BCAS3: variants seen among roughly 807,000 people sequenced by gnomAD.
BCAS3 encodes the protein BCAS3 microtubule associated cell migration factor.
A neutral mutation model predicts 116.1 loss-of-function variants in BCAS3; 53 were observed. That is an observed-to-expected ratio of 0.46 (90% CI 0.37 to 0.57). The LOEUF (loss-of-function observed/expected upper bound fraction) is 0.57, where lower values mean the gene tolerates loss of function less well. BCAS3 is among the 20% of genes least tolerant of loss of function. BCAS3 has a pLI of 0.00. For missense variants in BCAS3, 917 were observed against 1,165.4 expected (o/e 0.79, Z 3.10); for synonymous variants, 391 against 408.2 (o/e 0.96, Z 0.51).
chr17:60,850,602 G>A (rs2053044745), intron 7 of BCAS3, among the ~76,000 whole-genome samples: 1 of 151,854 alleles, frequency 6.6e-6, no homozygotes, highest in South Asian at 2.1e-4. Flanking sequence ...CAGGTAATCT[G>A]CCTGCCTCGG....
chr17:61,166,960 T>TA (rs2078543182), intron 22 of BCAS3, among the ~76,000 whole-genome samples: 1 of 152,152 alleles, frequency 6.6e-6, no homozygotes, highest in African/African-American at 2.4e-5. Context: ...AGACCCAGGC[T>TA]GGTCTCCAAC....
rs114053111 is a variant in BCAS3 at position 60,937,853 on chromosome 17, T to C, written c.1088-9366T>C. 2.0e-3 allele frequency among the ~76,000 whole-genome samples: 308 copies of C among 152,356 alleles called. 2 individuals carry two copies. Among genetic ancestry groups the C allele is most frequent in the African/African-American group, 7.0e-3 (290 of 41,578 alleles). ...GTCTATGACATGAATTTAGCATTAGTTGACTGTATCTGTATCTGTAATTTT... is the reference window on the plus strand; with the variant it reads ...GTCTATGACATGAATTTAGCATTAGCTGACTGTATCTGTATCTGTAATTTT... On this transcript the variant is annotated intron_variant, in intron 13 of 23. Coordinates refer to ENST00000407086, the MANE Select transcript of BCAS3 (RefSeq NM_017679.5).
At chr17:60,885,755 G>T (rs1423993290) in intron 9 of BCAS3, among the ~76,000 whole-genome samples, 2 of 146,816 alleles carry the variant, frequency 1.4e-5, no homozygotes, top group Admixed American at 1.3e-4. Context: ...TTTTCTTTAA[G>T]AATGTTGAAT....
At chr17:61,284,722 G>A (rs4968550) in intron 22 of BCAS3, among the ~76,000 whole-genome samples, 1 of 150,298 alleles carries the variant, frequency 6.7e-6, no homozygotes, top group Non-Finnish European at 1.5e-5. Context: ...TTCAGCCTAT[G>A]TGGGCATTTA....
intron 22 of BCAS3, among the ~76,000 whole-genome samples, chr17:61,209,566 T>A (rs2081337818): frequency 6.6e-6 from 1 of 152,202 alleles, no homozygotes; most frequent in Non-Finnish European, 1.5e-5. Context: ...GTAAAATGTA[T>A]TTTTAAAATG....
rs552703238 is a variant in BCAS3, at chr17:61,057,682, T to C, written c.2029+16790T>C. On this transcript the variant is annotated intron_variant, in intron 19 of 23. Transcript: ENST00000407086. ...AGGTCTTTGTCTTGTTACTTTTTTT[T>C]TTTTCACATTTTATGTAGCAACAGG... Among the ~76,000 whole-genome samples the C allele has an allele frequency of 5.9e-5, 9 of 152,038 alleles. No homozygotes were observed. The East Asian group carries it at 1.7e-3, about 29-fold the overall frequency.
chr17:60,983,372 G>A (rs1002970356), intron 14 of BCAS3, among the ~76,000 whole-genome samples: 1 of 151,934 alleles, frequency 6.6e-6, no homozygotes, highest in Non-Finnish European at 1.5e-5. Flanking sequence ...AAACCGTCCA[G>A]CTAGTTAACT....
chr17:60,952,466 C>T (rs1442994843), intron 14 of BCAS3, among the ~76,000 whole-genome samples: 1 of 151,836 alleles, frequency 6.6e-6, no homozygotes, highest in African/African-American at 2.4e-5. Flanking sequence ...GTTACAGGCG[C>T]CCAACAGCAT....
At position 61,235,068 on chromosome 17, in the gene BCAS3, G is replaced by C. The variant is rs899077860; in HGVS notation, c.2426-133259G>C. On this transcript the variant is annotated intron_variant, in intron 22 of 23. Transcript: ENST00000407086. This position sits in a 1 kb window ranked among gnomAD's most constrained non-coding sequence, Gnocchi z 5.0. ...ACTCCTGGCTAAGTTTTGTATTTTA[G>C]TAGAGACAGGGTTTCACCACATTGG... Among the ~76,000 whole-genome samples the C allele has an allele frequency of 1.3e-5, 2 of 152,054 alleles. No homozygotes were observed. The highest frequency in any genetic ancestry group is 4.8e-5 in the African/African-American group (2 of 41,406).
rs540495519 is a variant in BCAS3, at chr17:61,348,173, G to A, written c.2426-20154G>A. The stretch of plus-strand genomic sequence containing the variant: ...AGACAAATTCAAGAGGGCTTGGGAA[G>A]TAAAATCCACAGGACTTACTGGTCA... On this transcript the variant is annotated intron_variant, in intron 22 of 23. Coordinates refer to ENST00000407086, the MANE Select transcript of BCAS3 (RefSeq NM_017679.5). The surrounding 1 kb of genome is among the most constrained non-coding windows in gnomAD (Gnocchi z 4.5). Among the ~76,000 whole-genome samples the A allele has an allele frequency of 6.6e-6, 1 of 152,316 alleles. No individual in the cohort carries two copies. Among genetic ancestry groups the A allele is most frequent in the South Asian group, 2.1e-4 (1 of 4,830 alleles).
intron 19 of BCAS3, among the ~76,000 whole-genome samples, chr17:61,055,531 A>G (rs959577904): frequency 2.6e-5 from 4 of 152,172 alleles, no homozygotes; most frequent in African/African-American, 9.7e-5. Context: ...TCCATTTATA[A>G]TAAGTGACCT....
chr17:60,942,027 G>C (rs1159537215), intron 13 of BCAS3, among the ~76,000 whole-genome samples: 1 of 151,938 alleles, frequency 6.6e-6, no homozygotes, highest in African/African-American at 2.4e-5. Context: ...GAAGATAGTA[G>C]TGGATTTATG....
intron 22 of BCAS3, among the ~76,000 whole-genome samples, chr17:61,270,143 G>A (rs143513688): frequency 0.059 from 6,929 of 117,116 alleles, 230 homozygotes; most frequent in Middle Eastern, 0.15. Context: ...TTTTTGAGAC[G>A]GAGTCTGGCT....
At chr17:60,753,792 T>C (rs1272801160) in intron 6 of BCAS3, among the ~76,000 whole-genome samples, 3 of 152,086 alleles carry the variant, frequency 2.0e-5, no homozygotes, top group Non-Finnish European at 4.4e-5. Flanking sequence ...TTTCATAGAT[T>C]TTGGACAAAA....
rs2057581420 is a variant in BCAS3, at chr17:61,347,661, C to A, written c.2426-20666C>A. On this transcript the variant is annotated intron_variant, in intron 22 of 23. Coordinates refer to ENST00000407086, the MANE Select transcript of BCAS3 (RefSeq NM_017679.5). The surrounding 1 kb of genome is among the most constrained non-coding windows in gnomAD (Gnocchi z 4.3). ...ATCATCCAGCATAGCGACTGGTGCACAATAGACATCTGTTTTGTCTGTTGT... is the reference window on the plus strand; with the variant it reads ...ATCATCCAGCATAGCGACTGGTGCAAAATAGACATCTGTTTTGTCTGTTGT... 6.6e-6 allele frequency among the ~76,000 whole-genome samples: 1 copy of A among 152,196 alleles called. No homozygotes were observed. The highest frequency in any genetic ancestry group is 1.5e-5 in the Non-Finnish European group (1 of 68,038).
intron 14 of BCAS3, among the ~76,000 whole-genome samples, chr17:60,977,156 C>G (rs976548267): frequency 5.3e-5 from 8 of 152,184 alleles, no homozygotes; most frequent in African/African-American, 9.6e-5. Flanking sequence ...GGGGCTGCCC[C>G]CCACGAAACA....
At chr17:60,827,221 G>A (rs1189180090) in intron 7 of BCAS3, among the ~76,000 whole-genome samples, 2 of 152,148 alleles carry the variant, frequency 1.3e-5, no homozygotes, top group Non-Finnish European at 2.9e-5. Flanking sequence ...AATTCAATGA[G>A]GCACTGTTTT....
chr17:60,869,308 T>G (rs943582420), intron 8 of BCAS3, among the ~76,000 whole-genome samples: 3 of 152,342 alleles, frequency 2.0e-5, no homozygotes, highest in Admixed American at 2.0e-4. Context: ...GAATCTTCTA[T>G]CACTCAGCAC....
chr17:61,122,120 C>T lies in BCAS3; in HGVS notation c.2425+37556C>T, dbSNP rs1024558408. Among the ~76,000 whole-genome samples, 1 of 152,198 alleles carries T rather than the reference C, an allele frequency of 6.6e-6. No individual in the cohort carries two copies. Among genetic ancestry groups the T allele is most frequent in the African/African-American group, 2.4e-5 (1 of 41,434 alleles). ...TATTTTCAGCATAGTCTTGCCACAG[C>T]TGAAATAGGAAGAGTATTGAACAGT... On this transcript the variant is annotated intron_variant, in intron 22 of 23. Coordinates refer to ENST00000407086, the MANE Select transcript of BCAS3 (RefSeq NM_017679.5). The surrounding 1 kb of genome is among the most constrained non-coding windows in gnomAD (Gnocchi z 4.6).
Sources: gnomAD v4.1 joint callset for allele counts (sites outside exome capture counted in the v4.1 genomes callset) on GRCh38, gnomAD v4.1.1 for gene constraint, Gnocchi (gnomAD v3.1) non-coding constraint, MANE v1.5 for transcripts, NCBI Gene and HGNC (gene_info 2026-07-23, HGNC 2026-07-21) for gene names.